The following EYA2 variants were observed in gnomAD, a reference collection of about 807,000 sequenced individuals.
EYA2 encodes the protein protein phosphatase EYA2.
A neutral mutation model predicts 69.2 loss-of-function variants in EYA2; 31 were observed. The observed-to-expected ratio is 0.45, with a 90% CI of 0.34 to 0.60. The LOEUF is 0.60. Among genes scored for constraint, EYA2 ranks in the 20% least tolerant of loss-of-function variants. EYA2 has a pLI of 0.02. For synonymous variants in EYA2, 257 were observed against 279.4 expected (o/e 0.92, Z 0.80); for missense variants, 622 against 701.2 (o/e 0.89, Z 1.28).
intron 1 of EYA2, among the ~76,000 whole-genome samples, chr20:46,903,486 A>G (rs1006854390): frequency 2.0e-5 from 3 of 152,180 alleles, no homozygotes; most frequent in African/African-American, 7.2e-5. Context: ...CAGACTTTCC[A>G]AACCTCAGCC....
intron 1 of EYA2, among the ~76,000 whole-genome samples, chr20:46,896,741 A>C (rs1392402006): frequency 6.6e-6 from 1 of 152,226 alleles, no homozygotes; most frequent in Non-Finnish European, 1.5e-5. Context: ...GAAAAGACCA[A>C]TGTGGTTAGA....
chr20:46,950,977 C>T (rs904685808), intron 1 of EYA2, among the ~76,000 whole-genome samples: 2 of 152,304 alleles, frequency 1.3e-5, no homozygotes, highest in East Asian at 1.9e-4. Context: ...TAACACGTGC[C>T]GCTGAGTAAT....
intron 1 of EYA2, among the ~76,000 whole-genome samples, chr20:46,953,256 CA>C (rs1457339655): frequency 1.3e-5 from 2 of 152,110 alleles, no homozygotes; most frequent in African/African-American, 4.8e-5. Flanking sequence ...CCACTTTACA[CA>C]TGGGGATGCT....
intron 9 of EYA2, among the ~76,000 whole-genome samples, chr20:47,141,703 G>C (rs921207180): frequency 6.6e-6 from 1 of 152,196 alleles, no homozygotes; most frequent in African/African-American, 2.4e-5. Context: ...CAGGCTAACA[G>C]AATAAATATC....
chr20:47,080,211 A>G (rs2031661552), intron 7 of EYA2, among the ~76,000 whole-genome samples: 1 of 152,148 alleles, frequency 6.6e-6, no homozygotes, highest in Admixed American at 6.5e-5. Flanking sequence ...CCAAATCTTC[A>G]GAATCTCAAT....
At chr20:46,974,125 T>C (rs1980306960) in intron 1 of EYA2, among the ~76,000 whole-genome samples, 1 of 152,174 alleles carries the variant, frequency 6.6e-6, no homozygotes, top group African/African-American at 2.4e-5. Flanking sequence ...CTATAGGGGC[T>C]ATTGGGAAGA....
intron 9 of EYA2, among the ~76,000 whole-genome samples, chr20:47,129,242 TATAA>T (rs949167335): frequency 1.1e-4 from 16 of 152,148 alleles, no homozygotes; most frequent in African/African-American, 3.1e-4. Flanking sequence ...CACAAAAAAT[TATAA>T]ATAAATAAAT....
At chr20:47,001,353 T>A in intron 2 of EYA2, 75 bp from the exon 3 acceptor site, 4 of 1,294,328 alleles carry the variant, frequency 3.1e-6, no homozygotes, top group Non-Finnish European at 4.5e-6. Flanking sequence ...GCTTAAGTGG[T>A]GTCTGAAGTC....
intron 10 of EYA2, chr20:47,161,128 C>T: frequency 3.1e-6 from 1 of 324,208 alleles, no homozygotes; most frequent in Non-Finnish European, 5.8e-6. Context: ...TGCCAGTGCC[C>T]CTGGGTGCAG....
intron 1 of EYA2, among the ~76,000 whole-genome samples, chr20:46,981,200 A>G (rs1980813050): frequency 6.6e-6 from 1 of 152,246 alleles, no homozygotes; most frequent in African/African-American, 2.4e-5. Flanking sequence ...GAGAATTAAA[A>G]GAGATCATGT....
At chr20:46,933,901 A>T (rs918017271) in intron 1 of EYA2, among the ~76,000 whole-genome samples, 5 of 152,250 alleles carry the variant, frequency 3.3e-5, no homozygotes, top group African/African-American at 1.2e-4. Flanking sequence ...ATGCTCAATT[A>T]AAAAGTGTTG....
At chr20:47,140,242 A>C (rs2033566459) in intron 9 of EYA2, among the ~76,000 whole-genome samples, 1 of 152,156 alleles carries the variant, frequency 6.6e-6, no homozygotes, top group Non-Finnish European at 1.5e-5. Context: ...CTAGGCCCTG[A>C]GAAGTTTGTT....
At chr20:46,938,837 G>T (rs960002193) in intron 1 of EYA2, among the ~76,000 whole-genome samples, 1 of 152,094 alleles carries the variant, frequency 6.6e-6, no homozygotes, top group Non-Finnish European at 1.5e-5. Flanking sequence ...GAGACCACTG[G>T]AGTATCTTGG....
intron 5 of EYA2, among the ~76,000 whole-genome samples, chr20:47,056,061 C>T (rs538359906): frequency 2.4e-4 from 37 of 152,324 alleles, no homozygotes; most frequent in African/African-American, 8.7e-4. Flanking sequence ...CTCAGGCATG[C>T]GGATTGTTTT....
chr20:47,164,523 G>A (rs73127581), intron 10 of EYA2, among the ~76,000 whole-genome samples: 6,814 of 152,246 alleles, frequency 0.045, 211 homozygotes, highest in Middle Eastern at 0.075. Flanking sequence ...GTGAGCTGGG[G>A]GCTATCTGCT....
chr20:46,997,881 AG>A (rs1345542293), intron 2 of EYA2: 4 of 152,244 alleles, frequency 2.6e-5, no homozygotes, highest in Non-Finnish European at 5.9e-5. Flanking sequence ...GCTCATCTGA[AG>A]AATGGCATCA....
At chr20:46,912,944 C>A (rs1430521426) in intron 1 of EYA2, among the ~76,000 whole-genome samples, 5 of 151,952 alleles carry the variant, frequency 3.3e-5, no homozygotes, top group African/African-American at 4.8e-5. Context: ...TCATGATCCA[C>A]CCGCCTCGGC....
intron 1 of EYA2, among the ~76,000 whole-genome samples, chr20:46,987,964 C>CTCTATATATATATATATA (rs1555809797): frequency 1.8e-4 from 2 of 11,280 alleles, no homozygotes; most frequent in Non-Finnish European, 3.4e-4. Flanking sequence ...CTCTCTCTCT[C>CTCTATATATATATATATA]TATATATATA....
At chr20:47,022,545 C>T (rs6124919) in intron 5 of EYA2, among the ~76,000 whole-genome samples, 263 of 152,098 alleles carry the variant, frequency 1.7e-3, no homozygotes, top group African/African-American at 6.0e-3. Context: ...AACTCCTTAC[C>T]TCAAGTGATC....
Sources: gnomAD v4.1 joint callset for allele counts (sites outside exome capture counted in the v4.1 genomes callset) on GRCh38, gnomAD v4.1.1 for gene constraint, MANE v1.5 for transcripts, NCBI Gene and HGNC (gene_info 2026-07-23, HGNC 2026-07-21) for gene names.